Variants in ADGRL4 observed in about 807,000 individuals in gnomAD.
The protein encoded by ADGRL4 is EGF, latrophilin and seven transmembrane domain containing 1.
In ADGRL4, 90 loss-of-function variants were observed where a neutral mutation model predicts 74.8. The observed-to-expected ratio is 1.20, with a 90% CI of 1.02 to 1.43. The LOEUF is 1.43. Ranked by LOEUF, ADGRL4 falls within the 40% of genes most tolerant of loss-of-function variation. The pLI is 0.00. For synonymous variants in ADGRL4, 311 were observed against 279.2 expected (o/e 1.11, Z -1.14); for missense variants, 881 against 814.3 (o/e 1.08, Z -1.00).
chr1:78,958,064 C>T (rs537943985), intron 2 of ADGRL4, among the ~76,000 whole-genome samples: 9 of 152,054 alleles, frequency 5.9e-5, no homozygotes, highest in Non-Finnish European at 1.0e-4. Flanking sequence ...CATGGTTTAC[C>T]GAATACGTTA....
intron 2 of ADGRL4, among the ~76,000 whole-genome samples, chr1:78,998,112 C>A (rs2100740241): frequency 6.6e-6 from 1 of 152,228 alleles, no homozygotes; most frequent in Admixed American, 6.5e-5. Context: ...GACAGGATCC[C>A]ACCACCACAG....
chr1:78,924,725 C>G (rs1458886232), intron 8 of ADGRL4, among the ~76,000 whole-genome samples: 1 of 151,812 alleles, frequency 6.6e-6, no homozygotes, highest in Non-Finnish European at 1.5e-5. Context: ...TTATTAACAC[C>G]AGGGAAATGA....
intron 2 of ADGRL4, among the ~76,000 whole-genome samples, chr1:78,975,183 T>A (rs1650252551): frequency 6.6e-6 from 1 of 152,130 alleles, no homozygotes; most frequent in Non-Finnish European, 1.5e-5. Flanking sequence ...CAGGTAATCC[T>A]CACTCTTGAC....
At chr1:78,944,340 G>T (rs563120212) in intron 3 of ADGRL4, among the ~76,000 whole-genome samples, 22 of 152,274 alleles carry the variant, frequency 1.4e-4, no homozygotes, top group African/African-American at 5.1e-4. Context: ...TTGCAGGGCT[G>T]CATATTAGAA....
rs565038419 is a variant in ADGRL4, at chr1:78,983,674, A to T, written c.172+21396T>A. 2.0e-5 allele frequency among the ~76,000 whole-genome samples: 3 copies of T among 151,958 alleles called. 1 individual carries two copies. Among genetic ancestry groups the T allele is most frequent in the Admixed American group, 6.6e-5 (1 of 15,200 alleles). ...AAGTTATTATTTTAAGAGCTAACAG[A>T]TTAAAACTTTTACAGAATTGAAGAT... On this transcript the variant is annotated intron_variant, in intron 2 of 14. Transcript: ENST00000370742.
At chr1:78,952,527 T>C in intron 2 of ADGRL4, among the ~76,000 whole-genome samples, 1 of 149,828 alleles carries the variant, frequency 6.7e-6, no homozygotes, top group East Asian at 2.0e-4. Flanking sequence ...GGTAAAGAGA[T>C]AAGGAGGAAG....
At chr1:78,929,052 T>C (rs995392211) in intron 7 of ADGRL4, among the ~76,000 whole-genome samples, 1 of 151,610 alleles carries the variant, frequency 6.6e-6, no homozygotes, top group Non-Finnish European at 1.5e-5. Flanking sequence ...TTTTTTCACC[T>C]AAATGTTGAT....
chr1:78,930,416 T>C (rs1204132527), intron 7 of ADGRL4, among the ~76,000 whole-genome samples: 1 of 150,314 alleles, frequency 6.7e-6, no homozygotes, highest in Non-Finnish European at 1.5e-5. Context: ...AGTAACTACT[T>C]ACTTGCTAGT....
chr1:78,892,969 G>T, intron 13 of ADGRL4, 129 bp downstream of exon 13: 1 of 603,478 alleles, frequency 1.7e-6, no homozygotes, highest in Non-Finnish European at 2.8e-6. Flanking sequence ...TTTCCGATGC[G>T]TCTTTTAAAT....
At chr1:78,911,655 C>T (rs904166592) in intron 12 of ADGRL4, among the ~76,000 whole-genome samples, 1 of 151,710 alleles carries the variant, frequency 6.6e-6, no homozygotes, top group Non-Finnish European at 1.5e-5. Context: ...GTTGGCTACA[C>T]ATACATTCCC....
At chr1:78,953,669 A>G (rs141418504) in intron 2 of ADGRL4, among the ~76,000 whole-genome samples, 14 of 152,348 alleles carry the variant, frequency 9.2e-5, no homozygotes, top group Non-Finnish European at 1.6e-4. Context: ...CATTCTAACC[A>G]AATACCAATG....
chr1:78,927,731 C>T (rs77271633), intron 7 of ADGRL4, among the ~76,000 whole-genome samples: 1,776 of 152,146 alleles, frequency 0.012, 32 homozygotes, highest in African/African-American at 0.04. Flanking sequence ...ATATTAATAT[C>T]ATCAAATAAA....
At chr1:78,984,893 G>A (rs1172201767) in intron 2 of ADGRL4, among the ~76,000 whole-genome samples, 3 of 151,530 alleles carry the variant, frequency 2.0e-5, no homozygotes, top group African/African-American at 7.3e-5. Flanking sequence ...CCTTTACAAA[G>A]CAATAACATG....
intron 2 of ADGRL4, among the ~76,000 whole-genome samples, chr1:78,988,409 T>C (rs1460126935): frequency 6.6e-6 from 1 of 151,874 alleles, no homozygotes; most frequent in Non-Finnish European, 1.5e-5. Flanking sequence ...CTCTCTACTT[T>C]TCATTTATTG....
chr1:78,987,606 A>G (rs1196031116), intron 2 of ADGRL4, among the ~76,000 whole-genome samples: 1 of 151,824 alleles, frequency 6.6e-6, no homozygotes, highest in East Asian at 1.9e-4. Flanking sequence ...CATGATGGTT[A>G]TCTAGCTGGT....
chr1:78,968,499 G>GC (rs1323641075), intron 2 of ADGRL4, among the ~76,000 whole-genome samples: 65 of 138,256 alleles, frequency 4.7e-4, no homozygotes, highest in African/African-American at 1.7e-3. Flanking sequence ...GGGGTGGAGG[G>GC]CGGTGGGGGG....
At chr1:78,904,407 C>T (rs890512630) in intron 12 of ADGRL4, among the ~76,000 whole-genome samples, 2 of 151,802 alleles carry the variant, frequency 1.3e-5, no homozygotes, top group African/African-American at 4.8e-5. Context: ...TCATATTGAT[C>T]TATTTTAAAT....
Position 79,000,004 on chromosome 1 carries a change from T to G in ADGRL4, c.172+5066A>C, listed in dbSNP as rs918360528. Among the ~76,000 whole-genome samples the G allele has an allele frequency of 3.3e-5, 5 of 152,258 alleles. No individual in the cohort carries two copies. In the East Asian group the frequency reaches 9.6e-4, roughly 29 times the overall value. Reference sequence around the variant, plus strand: ...GAAAATACATTGTGCAAAGTCTTCTTTAAGATTGATTTGGTATAAAATTTT... The same window carrying G: ...GAAAATACATTGTGCAAAGTCTTCTGTAAGATTGATTTGGTATAAAATTTT... On this transcript the variant is annotated intron_variant, in intron 2 of 14. Transcript: ENST00000370742.
intron 12 of ADGRL4, among the ~76,000 whole-genome samples, chr1:78,903,592 G>T (rs959858191): frequency 6.6e-6 from 1 of 152,074 alleles, no homozygotes; most frequent in Admixed American, 6.6e-5. Context: ...GAAATGTTTA[G>T]AAGTTTCTAG....
Sources: allele counts gnomAD v4.1 joint callset (sites outside exome capture counted in the v4.1 genomes callset), GRCh38; gene constraint gnomAD v4.1.1; transcripts MANE v1.5; gene names NCBI Gene and HGNC (gene_info 2026-07-23, HGNC 2026-07-21).